Variants in EIF4G3 observed in about 807,000 individuals in gnomAD.
EIF4G3 encodes eIF-4-gamma 3.
Under a neutral mutation model 186.4 loss-of-function variants are expected in EIF4G3, and 34 were observed. That is an observed-to-expected ratio of 0.18 (90% confidence interval 0.14 to 0.24). EIF4G3 has a LOEUF of 0.24. Ranked by LOEUF, EIF4G3 falls within the 10% of genes least tolerant of loss-of-function variation. The pLI is 1.00. For missense variants in EIF4G3, 1,536 were observed against 1,948.5 expected, an observed-to-expected ratio of 0.79 and a Z score of 3.99; for synonymous variants, 673 against 679.5, an observed-to-expected ratio of 0.99 and a Z score of 0.15.
In EIF4G3 at chr1:20,869,411, CCTGTCTCCTGAGTAG is replaced by C. The variant is rs2078489758; in HGVS notation, c.2623-4164_2623-4150del. Among the ~76,000 whole-genome samples, 3 of 146,684 alleles carry C rather than the reference CCTGTCTCCTGAGTAG, an allele frequency of 2.0e-5. No homozygotes were observed. In the South Asian group the frequency reaches 6.5e-4, roughly 32 times the overall value. On this transcript the variant is annotated intron_variant, in intron 20 of 36. Coordinates refer to ENST00000602326, the MANE Select transcript of EIF4G3 (RefSeq NM_001391906.1). Reference sequence around the variant, plus strand: ...GATCCTCCCATCTGTCTCCTGAGTACCTGTCTCCTGAGTAGCTGGGATTATAGGCATGTGTCACTA... The same window carrying C: ...GATCCTCCCATCTGTCTCCTGAGTACCTGGGATTATAGGCATGTGTCACTA...
At chr1:20,994,876 C>T (rs1363460270) in intron 7 of EIF4G3, among the ~76,000 whole-genome samples, 1 of 151,950 alleles carries the variant, frequency 6.6e-6, no homozygotes, top group African/African-American at 2.4e-5. Context: ...GGGGCTCAAG[C>T]GATCCACCTG....
At chr1:20,987,967 C>T (rs1324959721) in intron 7 of EIF4G3, among the ~76,000 whole-genome samples, 2 of 152,146 alleles carry the variant, frequency 1.3e-5, no homozygotes, top group East Asian at 3.8e-4. Flanking sequence ...CCAGTGAACA[C>T]ACAAATGATA....
intron 20 of EIF4G3, among the ~76,000 whole-genome samples, chr1:20,869,003 A>G (rs1025001388): frequency 6.6e-6 from 1 of 152,200 alleles, no homozygotes; most frequent in African/African-American, 2.4e-5. Flanking sequence ...GGACATGCTT[A>G]TCCCCAAAAG....
chr1:21,031,594 T>C (rs1367532286), intron 4 of EIF4G3, among the ~76,000 whole-genome samples: 1 of 151,876 alleles, frequency 6.6e-6, no homozygotes, highest in Non-Finnish European at 1.5e-5. Context: ...AGTAAGGAGA[T>C]GGAGGAAGAG....
intron 29 of EIF4G3, among the ~76,000 whole-genome samples, chr1:20,844,300 G>A (rs771557102): frequency 6.6e-6 from 1 of 151,932 alleles, no homozygotes; most frequent in South Asian, 2.1e-4. Flanking sequence ...CCACAACCTC[G>A]CCAACACCTA....
chr1:20,824,656 G>T (rs2063167259), intron 33 of EIF4G3, among the ~76,000 whole-genome samples: 1 of 152,182 alleles, frequency 6.6e-6, no homozygotes, highest in African/African-American at 2.4e-5. Flanking sequence ...CTGGGTATAA[G>T]ACTGTGTCTA....
intron 2 of EIF4G3, among the ~76,000 whole-genome samples, chr1:21,164,768 G>T (rs1217004323): frequency 6.6e-6 from 1 of 152,132 alleles, no homozygotes; most frequent in African/African-American, 2.4e-5. Flanking sequence ...GGAAGCTTAG[G>T]TGGGAGGGCT....
intron 14 of EIF4G3, among the ~76,000 whole-genome samples, chr1:20,916,221 C>A (rs535636718): frequency 2.0e-5 from 3 of 151,924 alleles, no homozygotes; most frequent in Non-Finnish European, 4.4e-5. Flanking sequence ...CCGAGGCAGG[C>A]GGATCACGAG....
At position 21,144,422 on chromosome 1, in the gene EIF4G3, CT is replaced by C. The variant is rs79741128; in HGVS notation, c.-272+31752del. ...ACTAACACTACAGCAGCACACCCAT[CT>C]TTTTTTTTTTTTTCGTAGAGATGGG... On this transcript the variant is annotated intron_variant, in intron 2 of 36. Coordinates refer to ENST00000602326, the MANE Select transcript of EIF4G3 (RefSeq NM_001391906.1). Among the ~76,000 whole-genome samples the C allele has an allele frequency of 3.2e-3, 449 of 141,516 alleles. 1 individual carries two copies. Among genetic ancestry groups the C allele is most frequent in the Middle Eastern group, 0.011 (3 of 274 alleles). The allele number at this position is 141,516 out of a possible 152,430, so 92.8% of individuals were successfully genotyped here.
intron 3 of EIF4G3, among the ~76,000 whole-genome samples, chr1:21,083,063 A>AAAAAAAAAAAAAAAAAAAAAAT (rs2095844946): frequency 9.5e-6 from 1 of 105,152 alleles, no homozygotes; most frequent in Non-Finnish European, 2.1e-5. Flanking sequence ...AAAAAAAAAA[A>AAAAAAAAAAAAAAAAAAAAAAT]AAAAAAAAAA....
intron 12 of EIF4G3, among the ~76,000 whole-genome samples, chr1:20,964,999 C>A (rs981614599): frequency 2.0e-5 from 3 of 152,184 alleles, no homozygotes; most frequent in African/African-American, 7.2e-5. Context: ...TTCAGAGCTC[C>A]CCTATCAGCC....
At chr1:20,969,761 A>T (rs2075435082) in intron 11 of EIF4G3, among the ~76,000 whole-genome samples, 165 bp from the exon 12 acceptor site, 1 of 152,210 alleles carries the variant, frequency 6.6e-6, no homozygotes, top group South Asian at 2.1e-4. Context: ...AGATAAATGT[A>T]GGCCATTAGC....
intron 4 of EIF4G3, among the ~76,000 whole-genome samples, chr1:21,012,248 C>T (rs1454500191): frequency 6.6e-6 from 1 of 152,078 alleles, no homozygotes; most frequent in Non-Finnish European, 1.5e-5. Flanking sequence ...ACAGGTATGG[C>T]ACATTATTTT....
At chr1:21,014,372 T>A (rs1241359131) in intron 4 of EIF4G3, among the ~76,000 whole-genome samples, 2 of 152,164 alleles carry the variant, frequency 1.3e-5, no homozygotes, top group Non-Finnish European at 2.9e-5. Context: ...GTTAAACAGG[T>A]AAATTGTGTG....
At position 21,154,234 on chromosome 1, in the gene EIF4G3, G is replaced by C. The variant is rs989612055; in HGVS notation, c.-272+21941C>G. On this transcript the variant is annotated intron_variant, in intron 2 of 36. Coordinates refer to ENST00000602326, the MANE Select transcript of EIF4G3 (RefSeq NM_001391906.1). ...TTGCAATAAACAAACTCTCTATATA[G>C]ATCACTAATGTTATACATGCTCAGA... Among the ~76,000 whole-genome samples, 43 of 152,214 alleles carry C rather than the reference G, an allele frequency of 2.8e-4. 1 individual carries two copies. Among genetic ancestry groups the C allele is most frequent in the South Asian group, 6.2e-4 (3 of 4,828 alleles).
intron 4 of EIF4G3, among the ~76,000 whole-genome samples, chr1:21,018,367 G>C (rs1415192069): frequency 2.0e-5 from 3 of 152,060 alleles, no homozygotes; most frequent in Admixed American, 6.6e-5. Flanking sequence ...GGATCACAAG[G>C]TCAGTAGTTC....
intron 2 of EIF4G3, among the ~76,000 whole-genome samples, chr1:21,152,286 A>C (rs2097563413): frequency 7.3e-6 from 1 of 136,126 alleles, no homozygotes; most frequent in South Asian, 2.3e-4. Context: ...GCAGTGAGCC[A>C]AGATGATGCC....
intron 30 of EIF4G3, among the ~76,000 whole-genome samples, chr1:20,831,241 T>C (rs1230319034): frequency 1.3e-5 from 2 of 152,096 alleles, no homozygotes; most frequent in African/African-American, 2.4e-5. Context: ...AAAATTTTAA[T>C]TGAAGAAAGG....
chr1:20,957,135 G>A (rs554660521), intron 12 of EIF4G3, among the ~76,000 whole-genome samples: 1 of 152,144 alleles, frequency 6.6e-6, no homozygotes, highest in Non-Finnish European at 1.5e-5. Context: ...AGGTTGCCAA[G>A]GTCAGAAATG....
Sources: allele counts gnomAD v4.1 joint callset (sites outside exome capture counted in the v4.1 genomes callset), GRCh38; gene constraint gnomAD v4.1.1; transcripts MANE v1.5; gene names NCBI Gene and HGNC (gene_info 2026-07-23, HGNC 2026-07-21).